C1QTNF3: variants seen among roughly 807,000 people sequenced by gnomAD.
C1QTNF3 encodes the protein C1q and TNF related 3, also known as complement C1q tumor necrosis factor-related protein 3.
C1QTNF3 carries 26 observed loss-of-function variants against 32.6 expected under a neutral mutation model. The observed-to-expected ratio is 0.80, with a 90% CI of 0.58 to 1.11. C1QTNF3 has a LOEUF of 1.11. C1QTNF3 is among the 50% of genes least tolerant of loss of function. The pLI is 0.00. For missense variants in C1QTNF3, 362 were observed against 398.2 expected (o/e 0.91, Z 0.77); for synonymous variants, 155 against 146.0 (o/e 1.06, Z -0.44).
chr5:34,079,347 G>A, the C1QTNF3 span, among the ~76,000 whole-genome samples: 2 of 151,514 alleles, frequency 1.3e-5, no homozygotes, highest in Non-Finnish European at 2.9e-5. Context: ...GAAGAGGGGG[G>A]ACTGCTGGAT....
At chr5:34,176,022 G>T in the C1QTNF3 span, 1 of 660,252 alleles carries the variant, frequency 1.5e-6, no homozygotes, top group South Asian at 1.8e-5. Context: ...TAAAAATAAA[G>T]ATCCACTTGA....
chr5:34,157,046 C>T, the C1QTNF3 span, among the ~76,000 whole-genome samples: 1 of 152,084 alleles, frequency 6.6e-6, no homozygotes, highest in Non-Finnish European at 1.5e-5. Context: ...AGAGTTTAGC[C>T]ATATCAATAT....
the C1QTNF3 span, among the ~76,000 whole-genome samples, chr5:34,131,136 T>C: frequency 6.6e-6 from 1 of 152,232 alleles, no homozygotes. Context: ...TAGTCCCTAC[T>C]TCTAAAATAT....
chr5:34,176,715 A>T, the C1QTNF3 span, among the ~76,000 whole-genome samples: 21 of 151,956 alleles, frequency 1.4e-4, no homozygotes, highest in Non-Finnish European at 2.6e-4. Flanking sequence ...AAGTTAGCCA[A>T]GCATGGAGGC....
At chr5:34,241,091 C>CAA in the C1QTNF3 span, among the ~76,000 whole-genome samples, 1 of 147,330 alleles carries the variant, frequency 6.8e-6, no homozygotes, top group Non-Finnish European at 1.5e-5. Context: ...AAAAACAAAA[C>CAA]AAAAAAAAAA....
chr5:34,178,314 A>G, the C1QTNF3 span, among the ~76,000 whole-genome samples: 1 of 152,124 alleles, frequency 6.6e-6, no homozygotes, highest in Non-Finnish European at 1.5e-5. Flanking sequence ...TTACCTTTTC[A>G]AAGAGAATGA....
At chr5:34,047,346 T>C (rs1338955771), upstream of C1QTNF3, among the ~76,000 whole-genome samples, 1 of 152,256 alleles carries the variant, frequency 6.6e-6, no homozygotes, top group Non-Finnish European at 1.5e-5. Context: ...GACTCAGCTT[T>C]GCAAGGCAGA....
At chr5:34,228,216 G>T in the C1QTNF3 span, among the ~76,000 whole-genome samples, 1 of 151,910 alleles carries the variant, frequency 6.6e-6, no homozygotes, top group Admixed American at 6.6e-5. Context: ...TCTTTCTGTG[G>T]TTCATAAGTT....
the C1QTNF3 span, among the ~76,000 whole-genome samples, chr5:34,230,720 A>G: frequency 2.6e-5 from 4 of 152,270 alleles, no homozygotes; most frequent in Middle Eastern, 6.8e-3. Flanking sequence ...TCTACATGTC[A>G]CTAGTAATGA....
chr5:34,169,931 A>G, the C1QTNF3 span, among the ~76,000 whole-genome samples: 1 of 152,202 alleles, frequency 6.6e-6, no homozygotes, highest in African/African-American at 2.4e-5. Flanking sequence ...TTATTTCTAG[A>G]TACATATCCA....
the C1QTNF3 span, chr5:34,166,923 C>T: frequency 6.6e-6 from 1 of 152,030 alleles, no homozygotes; most frequent in Non-Finnish European, 1.5e-5. Flanking sequence ...ATCAACTATC[C>T]TACAGCTAAA....
the C1QTNF3 span, among the ~76,000 whole-genome samples, chr5:34,060,708 C>T: frequency 7.9e-5 from 12 of 152,214 alleles, no homozygotes; most frequent in East Asian, 5.8e-4. Flanking sequence ...ACTGTCAGAT[C>T]GCTTGAGACT....
At chr5:34,122,803 T>A in the C1QTNF3 span, among the ~76,000 whole-genome samples, 1 of 150,074 alleles carries the variant, frequency 6.7e-6, no homozygotes, top group African/African-American at 2.5e-5. Flanking sequence ...TATGCTGCCA[T>A]CTAAACAGAA....
the C1QTNF3 span, among the ~76,000 whole-genome samples, chr5:34,066,660 A>G: frequency 6.6e-6 from 1 of 152,174 alleles, no homozygotes; most frequent in East Asian, 1.9e-4. Flanking sequence ...AATGTAAAAT[A>G]TAAAATATTT....
the C1QTNF3 span, among the ~76,000 whole-genome samples, chr5:34,083,052 G>A: frequency 6.6e-6 from 1 of 151,186 alleles, no homozygotes; most frequent in African/African-American, 2.5e-5. Context: ...AAGTGACAAA[G>A]ACAAGGTTCA....
the C1QTNF3 span, among the ~76,000 whole-genome samples, chr5:34,216,283 A>G: frequency 6.6e-6 from 1 of 152,168 alleles, no homozygotes; most frequent in African/African-American, 2.4e-5. Flanking sequence ...ATATTCCTTA[A>G]TTCTCCATAG....
At chr5:34,108,691 G>A in the C1QTNF3 span, among the ~76,000 whole-genome samples, 1 of 149,954 alleles carries the variant, frequency 6.7e-6, no homozygotes, top group Admixed American at 6.7e-5. Flanking sequence ...AACTACTTTG[G>A]CTACCTCAAA....
chr5:34,094,649 T>C, the C1QTNF3 span, among the ~76,000 whole-genome samples: 1 of 152,038 alleles, frequency 6.6e-6, no homozygotes, highest in Non-Finnish European at 1.5e-5. Flanking sequence ...TCTTATGATA[T>C]AGAGATAGTA....
chr5:34,161,008 AT>A, the C1QTNF3 span, among the ~76,000 whole-genome samples: 1 of 152,180 alleles, frequency 6.6e-6, no homozygotes, highest in African/African-American at 2.4e-5. Context: ...TAAGACAGTG[AT>A]TCATATGCAT....
Sources: gnomAD v4.1 joint callset for allele counts (sites outside exome capture counted in the v4.1 genomes callset) on GRCh38, gnomAD v4.1.1 for gene constraint, MANE v1.5 for transcripts, NCBI Gene and HGNC (gene_info 2026-07-23, HGNC 2026-07-21) for gene names.